The following EPB42 variants were observed in gnomAD, a reference collection of about 807,000 sequenced individuals.
EPB42 encodes protein 4.2.
In EPB42, 49 loss-of-function variants were observed where a neutral mutation model predicts 76.9. That is an observed-to-expected ratio of 0.64 (90% confidence interval 0.51 to 0.81). EPB42 has a LOEUF of 0.81. Among genes scored for constraint, EPB42 ranks in the 30% least tolerant of loss-of-function variants. The pLI is 0.00. For missense variants in EPB42, 731 were observed against 867.6 expected (o/e 0.84, Z 1.98); for synonymous variants, 310 against 338.4 (o/e 0.92, Z 0.92).
intron 12 of EPB42, among the ~76,000 whole-genome samples, chr15:43,198,146 G>A (rs1222659781): frequency 6.6e-6 from 1 of 152,176 alleles, no homozygotes; most frequent in Non-Finnish European, 1.5e-5. Flanking sequence ...GAGTAGAGTG[G>A]GGCATGGCTG....
At position 43,209,337 on chromosome 15, in the gene EPB42, T is replaced by G; in HGVS notation, c.769A>C (p.Thr257Pro). Residue 257 changes from threonine to proline, a missense_variant, in exon 6 of 13, where the codon ACC becomes CCC. Transcript: ENST00000441366. ...GSVPILRQWLTGRGRPVYDGQ... is the reference protein window; with the variant it reads ...GSVPILRQWLPGRGRPVYDGQ... The stretch of plus-strand genomic sequence containing the variant: ...TCATACACAGGTCGGCCTCGGCCGG[T>G]GAGCCACTGCCGCAGGATGGGCACG... The G allele has an allele frequency of 5.0e-6, 8 of 1,614,110 alleles. No individual in the cohort carries two copies. Among genetic ancestry groups the G allele is most frequent in the Non-Finnish European group, 6.8e-6 (8 of 1,180,020 alleles).
intron 4 of EPB42, among the ~76,000 whole-genome samples, chr15:43,211,039 G>C (rs1326497682): frequency 6.6e-6 from 1 of 152,184 alleles, no homozygotes; most frequent in Middle Eastern, 3.2e-3. Flanking sequence ...AGCCCTTCCT[G>C]GCAGAGGGAA....
In EPB42 at chr15:43,202,052, G is replaced by A. The variant is rs914511295; in HGVS notation, c.1780-75C>T. ...TCACTCTCTCCTCCCATGCACCCCT[G>A]TACCCTCCTCAGTAAGTTTCCTCAT... is the stretch of plus-strand genomic sequence containing the variant. On this transcript the variant is annotated intron_variant, in intron 11 of 12. Transcript: ENST00000441366. 1.9e-6 allele frequency: 3 copies of A among 1,604,040 alleles called. No homozygotes were observed. In the African/African-American group the frequency reaches 4.0e-5, roughly 21 times the overall value.
intron 12 of EPB42, among the ~76,000 whole-genome samples, chr15:43,200,249 T>C (rs1170341140): frequency 6.6e-6 from 1 of 152,182 alleles, no homozygotes; most frequent in Non-Finnish European, 1.5e-5. Context: ...TGACAGTCCC[T>C]TCTCTTGATT....
In EPB42 at chr15:43,211,464, G is replaced by A; in HGVS notation, c.501C>T (p.Tyr167=). The A allele has an allele frequency of 6.2e-7, 1 of 1,614,142 alleles. No homozygotes were observed. Among genetic ancestry groups the A allele is most frequent in the Non-Finnish European group, 8.5e-7 (1 of 1,179,980 alleles). ...CCTGGATGCAGTCAGCTGTACCCAG[G>A]TAGATGAGACCATTCTGGTTCAACA... The part of the protein sequence containing the change: ...EYLLNQNGLI[Y]LGTADCIQAE... Residue 167 remains tyrosine (Y), a synonymous_variant, in exon 4 of 13, where the codon TAC becomes TAT. Coordinates refer to ENST00000441366, the MANE Select transcript of EPB42 (RefSeq NM_001114134.2).
Position 43,206,237 on chromosome 15 carries a change from T to G in EPB42, c.1618+93A>C. ...GGGGCTCAAAGCCATCTCTAGAGAC[T>G]GCAGGGGGTGCCCTGTGGCTGCTGC... On this transcript the variant is annotated intron_variant, in intron 10 of 12. Transcript: ENST00000441366. The surrounding 1 kb of genome is among the most constrained non-coding windows in gnomAD (Gnocchi z 4.7). 3.0e-6 allele frequency: 4 copies of G among 1,355,704 alleles called. No homozygotes were observed. The Admixed American group carries it at 7.0e-5, about 24-fold the overall frequency. 84.0% of individuals were successfully genotyped at this position (1,355,704 alleles called of 1,614,324 possible). A position where few individuals can be genotyped will look rare whatever the true frequency, so the allele number is the denominator to read the frequency against.
At chr15:43,200,749 G>A (rs1257032645) in intron 12 of EPB42, among the ~76,000 whole-genome samples, 1 of 152,022 alleles carries the variant, frequency 6.6e-6, no homozygotes, top group Non-Finnish European at 1.5e-5. Context: ...ACAGTACCTG[G>A]TCAAACCACA....
rs572121889 is a variant in EPB42 at position 43,209,306 on chromosome 15, T to C, written c.800A>G (p.Gln267Arg). The C allele has an allele frequency of 6.2e-7, 1 of 1,614,160 alleles. No individual in the cohort carries two copies. The highest frequency in any genetic ancestry group is 1.3e-5 in the African/African-American group (1 of 75,066). ...TGRGRPVYDG[Q>R]AWVLAAVACT... ...AGCAACAGCAGCCAACACCCAGGCC[T>C]GGCCATCATACACAGGTCGGCCTCG... Residue 267 changes from glutamine to arginine, a missense_variant, in exon 6 of 13, where the codon CAG (glutamine) becomes CGG (arginine). Physicochemically the swap from Gln to Arg is conservative, Grantham distance 43. Coordinates refer to ENST00000441366, the MANE Select transcript of EPB42 (RefSeq NM_001114134.2).
intron 2 of EPB42, among the ~76,000 whole-genome samples, chr15:43,215,875 A>G (rs182125830): frequency 3.9e-5 from 6 of 152,292 alleles, no homozygotes; most frequent in African/African-American, 1.4e-4. Flanking sequence ...TATTTTTAGT[A>G]GAAACGGGGC....
rs778601371 is a variant in EPB42 at position 43,197,356 on chromosome 15, C to T, written c.2022G>A (p.Gln674=). 6.2e-7 allele frequency: 1 copy of T among 1,614,204 alleles called. No individual in the cohort carries two copies. The highest frequency in any genetic ancestry group is 1.1e-5 in the South Asian group (1 of 91,084). The change falls in exon 13 of 13, where the codon CAG becomes CAA. Residue 674 remains glutamine, a synonymous_variant. Coordinates refer to ENST00000441366, the MANE Select transcript of EPB42 (RefSeq NM_001114134.2). ...LTVEVDCNMF[Q]NLTNYKSVTV... The stretch of plus-strand genomic sequence containing the variant: ...TGACGCTTTTATAGTTGGTTAGGTT[C>T]TGGAACATGTTGCAGTCCACTTCCA...
chr15:43,205,682 G>A (rs772219095), intron 10 of EPB42, among the ~76,000 whole-genome samples: 2 of 152,278 alleles, frequency 1.3e-5, no homozygotes, highest in East Asian at 1.9e-4. Context: ...TTACAGGCAT[G>A]AGCCACTGCG....
intron 8 of EPB42, 104 bp downstream of exon 8, chr15:43,208,126 G>T: frequency 1.0e-6 from 1 of 970,312 alleles, no homozygotes; most frequent in Non-Finnish European, 1.6e-6. Context: ...TACTGTTTTC[G>T]AGGATGCAGA....
rs2042257886 is a variant in EPB42, at chr15:43,209,403, C to G, written c.703G>C (p.Ala235Pro). The change falls in exon 6 of 13, where the codon GCC becomes CCC. Residue 235 changes from alanine (A) to proline (P), a missense_variant. Coordinates refer to ENST00000441366, the MANE Select transcript of EPB42 (RefSeq NM_001114134.2). ...TTCAGCAAGGCCCCTTCCTGGGTGG[C>G]CTGGGTCTGCGGGGTGGGCAGGACC... ...QRVLPTPQTQ[A>P]TQEGALLNKR... 1 of 1,613,468 alleles carries G rather than the reference C, an allele frequency of 6.2e-7. No homozygotes were observed. The highest frequency in any genetic ancestry group is 8.5e-7 in the Non-Finnish European group (1 of 1,179,766).
At chr15:43,220,240 A>G (rs2042437147) in intron 1 of EPB42, among the ~76,000 whole-genome samples, 1 of 152,046 alleles carries the variant, frequency 6.6e-6, no homozygotes, top group African/African-American at 2.4e-5. Flanking sequence ...GCCAGGATAT[A>G]ATAATTCCTG....
intron 3 of EPB42, among the ~76,000 whole-genome samples, chr15:43,214,215 G>A (rs915272562): frequency 1.3e-5 from 2 of 152,250 alleles, no homozygotes; most frequent in African/African-American, 2.4e-5. Flanking sequence ...AATCTTCAGA[G>A]TGGGGAGGAA....
chr15:43,218,022 T>C (rs2042403376), intron 1 of EPB42, among the ~76,000 whole-genome samples: 1 of 152,192 alleles, frequency 6.6e-6, no homozygotes, highest in Non-Finnish European at 1.5e-5. Context: ...CTCATGTCCC[T>C]GGGTGCCCCT....
At position 43,208,829 on chromosome 15, in the gene EPB42, C is replaced by T. The variant is rs372700457; in HGVS notation, c.833-54G>A. ...GGCGCTTGAGAGACCGGGCTGGGGG[C>T]GTGTGGGAGGCTAGGATTTTCAGTG... On this transcript the variant is annotated intron_variant, in intron 6 of 12. Transcript: ENST00000441366. The T allele has an allele frequency of 1.9e-5, 30 of 1,586,498 alleles. 1 individual carries two copies. The highest frequency in any genetic ancestry group is 8.1e-5 in the African/African-American group (6 of 74,258).
In EPB42 at chr15:43,215,162, C is replaced by A; in HGVS notation, c.363G>T (p.Leu121=). ...GGAGTTGCTTCCTGCCTGAGACCTG[C>A]AGCAGAAGCGAGTAGTGGCCAATGA... ...DAVIGHYSLL[L]QVSGRKQLLL... Residue 121 remains leucine (L), a synonymous_variant, in exon 3 of 13, where the codon CTG becomes CTT. Coordinates refer to ENST00000441366, the MANE Select transcript of EPB42 (RefSeq NM_001114134.2). 6.2e-7 allele frequency: 1 copy of A among 1,614,242 alleles called. No individual in the cohort carries two copies. The highest frequency in any genetic ancestry group is 8.5e-7 in the Non-Finnish European group (1 of 1,180,048).
Position 43,207,270 on chromosome 15 carries a change from T to A in EPB42, c.1247A>T (p.Asn416Ile). 6.2e-7 allele frequency: 1 copy of A among 1,614,180 alleles called. No homozygotes were observed. Among genetic ancestry groups the A allele is most frequent in the Non-Finnish European group, 8.5e-7 (1 of 1,180,004 alleles). The change falls in exon 9 of 13, where the codon AAC (asparagine) becomes ATC (isoleucine). Residue 416 changes from asparagine to isoleucine, a missense_variant. Asn to Ile is a moderately radical substitution (Grantham distance 149, BLOSUM62 -3). Coordinates refer to ENST00000441366, the MANE Select transcript of EPB42 (RefSeq NM_001114134.2). ...LTDSNTKYVGNNISTKGVGSD... is the reference protein window; with the variant it reads ...LTDSNTKYVGINISTKGVGSD... ...GCCCACACCCTTGGTGCTGATGTTG[T>A]TGCCAACATACTTTGTGTTGGAGTC...
Sources: gnomAD v4.1 joint callset for allele counts (sites outside exome capture counted in the v4.1 genomes callset) on GRCh38, gnomAD v4.1.1 for gene constraint, Gnocchi (gnomAD v3.1) non-coding constraint, MANE v1.5 for transcripts, NCBI Gene and HGNC (gene_info 2026-07-23, HGNC 2026-07-21) for gene names.